SLC45A2: variants seen among roughly 807,000 people sequenced by gnomAD.
The protein encoded by SLC45A2 is solute carrier family 45 member 2, also known as membrane-associated transporter protein.
In SLC45A2, 36 loss-of-function variants were observed where a neutral mutation model predicts 45.5. The observed-to-expected ratio is 0.79, with a 90% CI of 0.61 to 1.04. SLC45A2 has a LOEUF of 1.04. SLC45A2 is among the 50% of genes least tolerant of loss of function. The pLI is 0.00. For synonymous variants in SLC45A2, 306 were observed against 269.3 expected, an observed-to-expected ratio of 1.14 and a Z score of -1.33; for missense variants, 719 against 671.0, an observed-to-expected ratio of 1.07 and a Z score of -0.79.
intron 3 of SLC45A2, among the ~76,000 whole-genome samples, chr5:33,963,185 A>G (rs1752498313): frequency 6.6e-6 from 1 of 152,166 alleles, no homozygotes; most frequent in South Asian, 2.1e-4. Flanking sequence ...ACATGGTCTC[A>G]TTTCTCTGGC....
At chr5:33,951,915 A>T (rs1221997936) in intron 4 of SLC45A2, among the ~76,000 whole-genome samples, 1 of 152,012 alleles carries the variant, frequency 6.6e-6, no homozygotes, top group Non-Finnish European at 1.5e-5. Context: ...GATCCTTAAC[A>T]TTCCTCCTTC....
At chr5:33,956,870 G>A (rs1052085405) in intron 3 of SLC45A2, among the ~76,000 whole-genome samples, 4 of 152,138 alleles carry the variant, frequency 2.6e-5, no homozygotes, top group African/African-American at 9.7e-5. Context: ...ACAAAAGTAA[G>A]CAATGAACTC....
chr5:33,983,775 G>A (rs1442428330), intron 1 of SLC45A2, among the ~76,000 whole-genome samples: 2 of 152,152 alleles, frequency 1.3e-5, no homozygotes, highest in Non-Finnish European at 2.9e-5. Context: ...ACTATGAACA[G>A]AATTAACTTA....
At chr5:33,951,256 A>G in intron 5 of SLC45A2, 1 of 568,554 alleles carries the variant, frequency 1.8e-6, no homozygotes, top group Non-Finnish European at 2.8e-6. Flanking sequence ...ACCTGCTGGG[A>G]CTCATCCATC....
At chr5:33,982,010 T>C (rs371857948) in intron 2 of SLC45A2, among the ~76,000 whole-genome samples, 1 of 152,246 alleles carries the variant, frequency 6.6e-6, no homozygotes, top group Admixed American at 6.5e-5. Flanking sequence ...CACAAAGCAT[T>C]CTTAAGAAAG....
intron 2 of SLC45A2, among the ~76,000 whole-genome samples, chr5:33,968,103 A>G (rs1302457962): frequency 6.6e-6 from 1 of 152,190 alleles, no homozygotes; most frequent in Admixed American, 6.5e-5. Context: ...TCCTAACAGA[A>G]TATTAAGACA....
At chr5:33,973,467 A>G (rs1019931037) in intron 2 of SLC45A2, among the ~76,000 whole-genome samples, 2 of 152,214 alleles carry the variant, frequency 1.3e-5, no homozygotes, top group African/African-American at 4.8e-5. Context: ...AAAGATGAAA[A>G]AGAGAAAAGG....
At chr5:33,960,104 A>G (rs1752404725) in intron 3 of SLC45A2, among the ~76,000 whole-genome samples, 1 of 152,184 alleles carries the variant, frequency 6.6e-6, no homozygotes, top group South Asian at 2.1e-4. Context: ...GATATTACCC[A>G]GGAATAGGAT....
At chr5:33,968,776 G>T (rs922840358) in intron 2 of SLC45A2, among the ~76,000 whole-genome samples, 1 of 152,140 alleles carries the variant, frequency 6.6e-6, no homozygotes, top group African/African-American at 2.4e-5. Flanking sequence ...TTGCCTGCAG[G>T]CATCAGGTGT....
intron 4 of SLC45A2, among the ~76,000 whole-genome samples, chr5:33,952,077 C>A (rs1477929555): frequency 6.6e-6 from 1 of 152,086 alleles, no homozygotes; most frequent in East Asian, 1.9e-4. Context: ...TCCTACTCAC[C>A]CTTCAAGGCC....
In SLC45A2 at chr5:33,963,937, T is replaced by G. The variant is rs1752525376; in HGVS notation, c.642A>C (p.Glu214Asp). ...HLELGRLLGTEFQVMFFFSAL... is the reference protein window; with the variant it reads ...HLELGRLLGTDFQVMFFFSAL... ...CAGAGAAGAAGAACATGACCTGGAA[T>G]TCTGTACCCAACAGTCTTCCCAGCT... is the stretch of plus-strand genomic sequence containing the variant. The change falls in exon 3 of 7, where the codon GAA (glutamate) becomes GAC (aspartate). Residue 214 changes from glutamate (E) to aspartate (D), a missense_variant. By Grantham distance (45) the Glu-to-Asp change is conservative (BLOSUM62 2). Coordinates refer to ENST00000296589, the MANE Select transcript of SLC45A2 (RefSeq NM_016180.5). The G allele has an allele frequency of 6.2e-7, 1 of 1,614,000 alleles. No homozygotes were observed. Among genetic ancestry groups the G allele is most frequent in the African/African-American group, 1.3e-5 (1 of 74,908 alleles).
intron 2 of SLC45A2, chr5:33,970,977 C>T (rs907246178): frequency 3.3e-5 from 16 of 487,968 alleles, no homozygotes; most frequent in South Asian, 6.2e-5. Flanking sequence ...TTTACCAAAC[C>T]GTATGAAAAG....
Position 33,984,645 on chromosome 5 carries a change from G to A in SLC45A2, c.-62C>T. On this transcript the variant is annotated 5_prime_UTR_variant, in exon 1 of 7. Transcript: ENST00000296589. ...CCTCCTGCGTGGTCCTAGGGTCTGT[G>A]TTTCAAACTGGATTTGACGTGGAGC... 1 of 1,597,924 alleles carries A rather than the reference G, an allele frequency of 6.3e-7. No individual in the cohort carries two copies. The highest frequency in any genetic ancestry group is 1.7e-5 in the Admixed American group (1 of 60,000).
chr5:33,984,200 T>C lies in SLC45A2; in HGVS notation c.384A>G (p.Ala128=). 6.2e-7 allele frequency: 1 copy of C among 1,613,940 alleles called. No individual in the cohort carries two copies. Among genetic ancestry groups the C allele is most frequent in the Non-Finnish European group, 8.5e-7 (1 of 1,179,974 alleles). The change falls in exon 1 of 7, where the codon GCA becomes GCG. Residue 128 remains alanine (A), a splice_region_variant and synonymous_variant. Coordinates refer to ENST00000296589, the MANE Select transcript of SLC45A2 (RefSeq NM_016180.5). ...GCCCACCTTGTGCAGCCCACTTACC[T>C]GCTACAACAGTAGCCCCATTGAGGT... ...ALYLNGATVV[A]ALIANPRRKL...
chr5:33,952,303 C>T (rs1243623586), intron 4 of SLC45A2, among the ~76,000 whole-genome samples: 2 of 152,008 alleles, frequency 1.3e-5, no homozygotes, highest in East Asian at 3.9e-4. Context: ...AACCCCACCC[C>T]TCCTTTTTGA....
chr5:33,974,415 C>T (rs1752867629), intron 2 of SLC45A2, among the ~76,000 whole-genome samples: 1 of 149,500 alleles, frequency 6.7e-6, no homozygotes, highest in Admixed American at 6.7e-5. Flanking sequence ...ATTTATGAAG[C>T]ATTTGGAAAT....
At chr5:33,951,198 A>G (rs956021992) in intron 5 of SLC45A2, among the ~76,000 whole-genome samples, 7 of 152,190 alleles carry the variant, frequency 4.6e-5, no homozygotes, top group Non-Finnish European at 1.0e-4. Context: ...AAATCTGATA[A>G]GCCTATCTAT....
intron 5 of SLC45A2, among the ~76,000 whole-genome samples, chr5:33,950,114 C>G (rs908504202): frequency 1.3e-5 from 2 of 151,918 alleles, no homozygotes; most frequent in Non-Finnish European, 2.9e-5. Context: ...TGCTTGAGCC[C>G]AGAAGGTTGA....
Position 33,984,550 on chromosome 5 carries a change from T to C in SLC45A2, c.34A>G (p.Ile12Val), listed in dbSNP as rs772776526. Residue 12 changes from isoleucine (I) to valine (V), a missense_variant, in exon 1 of 7, where the codon ATC (isoleucine) becomes GTC (valine). By Grantham distance (29) the Ile-to-Val change is conservative. Coordinates refer to ENST00000296589, the MANE Select transcript of SLC45A2 (RefSeq NM_016180.5). ...CCATCATCAGCTAGGGATTTATAGA[T>C]GTGGCGGCCAGCCTGCCCACTGTTG... ...GSNSGQAGRHIYKSLADDGPF... is the reference protein window; with the variant it reads ...GSNSGQAGRHVYKSLADDGPF... 1.9e-6 allele frequency: 3 copies of C among 1,611,858 alleles called. No homozygotes were observed. The highest frequency in any genetic ancestry group is 2.2e-5 in the South Asian group (2 of 91,076).
Sources: allele counts gnomAD v4.1 joint callset (sites outside exome capture counted in the v4.1 genomes callset), GRCh38; gene constraint gnomAD v4.1.1; transcripts MANE v1.5; gene names NCBI Gene and HGNC (gene_info 2026-07-23, HGNC 2026-07-21).